The following POLN variants were observed in gnomAD, a reference collection of about 807,000 sequenced individuals.
The protein encoded by POLN is DNA polymerase N.
Under a neutral mutation model 113.5 loss-of-function variants are expected in POLN, and 108 were observed. The observed-to-expected ratio is 0.95, with a 90% CI of 0.81 to 1.12. The LOEUF (loss-of-function observed/expected upper bound fraction) is 1.12. Among genes scored for constraint, POLN ranks in the 50% most tolerant of loss-of-function variants. POLN has a pLI of 0.00. For synonymous variants in POLN, 386 were observed against 391.5 expected, an observed-to-expected ratio of 0.99 and a Z score of 0.17; for missense variants, 1,097 against 1,077.1, an observed-to-expected ratio of 1.02 and a Z score of -0.26.
rs1423502321 is a variant in POLN at position 2,078,158 on chromosome 4, C to A, written c.2388-2639G>T. ...TGGGCGCATGGTGGCCTCATGCAGACCCGCCTTGAGAAGGCCCAGGGGAGG... is the reference window on the plus strand; with the variant it reads ...TGGGCGCATGGTGGCCTCATGCAGAACCGCCTTGAGAAGGCCCAGGGGAGG... On this transcript the variant is annotated intron_variant, in intron 23 of 25. Coordinates refer to ENST00000511885, the MANE Select transcript of POLN (RefSeq NM_181808.4). Among the ~76,000 whole-genome samples the A allele has an allele frequency of 3.9e-5, 6 of 152,340 alleles. No homozygotes were observed. The East Asian group carries it at 9.6e-4, about 24-fold the overall frequency.
chr4:2,197,428 C>T (rs910660527), intron 6 of POLN, among the ~76,000 whole-genome samples: 1 of 152,160 alleles, frequency 6.6e-6, no homozygotes, highest in Non-Finnish European at 1.5e-5. Context: ...GAGATAACCC[C>T]AGGACTTTTT....
intron 3 of POLN, among the ~76,000 whole-genome samples, chr4:2,220,960 C>T (rs1734238119): frequency 6.6e-6 from 1 of 151,420 alleles, no homozygotes; most frequent in Non-Finnish European, 1.5e-5. Flanking sequence ...CTGTTTCTCC[C>T]TCCCCATCCC....
chr4:2,213,254 AC>A (rs1472529818), intron 3 of POLN, 128 bp from the exon 4 acceptor site: 1 of 511,840 alleles, frequency 2.0e-6, no homozygotes, highest in Non-Finnish European at 3.3e-6. Flanking sequence ...CTTACTTAAA[AC>A]AATGTAATAA....
intron 2 of POLN, among the ~76,000 whole-genome samples, chr4:2,232,698 T>G (rs769576040): frequency 6.6e-6 from 1 of 152,158 alleles, no homozygotes; most frequent in Non-Finnish European, 1.5e-5. Context: ...AAAACCATCC[T>G]AATCATATAA....
Position 2,193,305 on chromosome 4 carries a change from A to G in POLN, c.920T>C (p.Phe307Ser), listed in dbSNP as rs754744651. The G allele has an allele frequency of 8.8e-6, 14 of 1,594,248 alleles. No individual in the cohort carries two copies. Among genetic ancestry groups the G allele is most frequent in the Non-Finnish European group, 1.2e-5 (14 of 1,168,330 alleles). The stretch of plus-strand genomic sequence containing the variant: ...AGGACATTTACATTTCATTGTTTGA[A>G]ATAGCACGTTCCTAGAAGATGAAAA... ...AHQQFARNVL[F>S]QTMKCKCPVI... Residue 307 changes from phenylalanine (F) to serine (S), a missense_variant, in exon 7 of 26, where the codon TTT becomes TCT. Physicochemically the swap from Phe to Ser is radical, Grantham distance 155. Transcript: ENST00000511885.
At chr4:2,150,579 A>T (rs1285140226) in intron 16 of POLN, among the ~76,000 whole-genome samples, 1 of 152,166 alleles carries the variant, frequency 6.6e-6, no homozygotes, top group East Asian at 1.9e-4. Context: ...ACATGCCCCA[A>T]TTTAAAACCT....
chr4:2,200,675 C>T (rs949191546), intron 5 of POLN, among the ~76,000 whole-genome samples: 1 of 152,166 alleles, frequency 6.6e-6, no homozygotes, highest in Admixed American at 6.6e-5. Context: ...GAGAGGACTA[C>T]ATCAAGGGAA....
intron 11 of POLN, among the ~76,000 whole-genome samples, chr4:2,173,186 G>C (rs1732907280): frequency 6.6e-6 from 1 of 152,234 alleles, no homozygotes; most frequent in African/African-American, 2.4e-5. Flanking sequence ...GATAGGGAAA[G>C]CACACAGGAC....
chr4:2,199,539 G>A (rs1733660789), intron 5 of POLN, among the ~76,000 whole-genome samples: 1 of 152,024 alleles, frequency 6.6e-6, no homozygotes, highest in Admixed American at 6.6e-5. Context: ...ATTTCTTTGT[G>A]GGAAATAAAG....
intron 20 of POLN, chr4:2,089,657 T>G: frequency 1.3e-6 from 1 of 749,182 alleles, no homozygotes; most frequent in Admixed American, 3.0e-5. Context: ...TTATCTGAAC[T>G]TCCTAAACTG....
intron 25 of POLN, among the ~76,000 whole-genome samples, chr4:2,072,646 G>GC (rs1163611772): frequency 1.3e-5 from 2 of 152,172 alleles, no homozygotes; most frequent in Non-Finnish European, 2.9e-5. Flanking sequence ...TCAGGGTCCT[G>GC]CCCCCGGGAG....
At chr4:2,082,325 G>C (rs1264361558) in intron 21 of POLN, among the ~76,000 whole-genome samples, 1 of 152,156 alleles carries the variant, frequency 6.6e-6, no homozygotes, top group East Asian at 1.9e-4. Flanking sequence ...GGACGAGGGA[G>C]GGCAGCTTTT....
At chr4:2,215,448 G>A (rs1240380349) in intron 3 of POLN, among the ~76,000 whole-genome samples, 1 of 152,158 alleles carries the variant, frequency 6.6e-6, no homozygotes, top group Non-Finnish European at 1.5e-5. Context: ...GAAGACAATG[G>A]CTAAGATGCA....
rs1222875441 is a variant in POLN at position 2,191,429 on chromosome 4, T to C, written c.1021+1775A>G. Reference sequence around the variant, plus strand: ...GAAGACCTGGTGTTCAGTAAATCAGTAGAGTGACTATAGTAAACAATAATC... The same window carrying C: ...GAAGACCTGGTGTTCAGTAAATCAGCAGAGTGACTATAGTAAACAATAATC... On this transcript the variant is annotated intron_variant, in intron 7 of 25. Transcript: ENST00000511885. Among the ~76,000 whole-genome samples, 6 of 152,142 alleles carry C rather than the reference T, an allele frequency of 3.9e-5. No individual in the cohort carries two copies. In the East Asian group the frequency reaches 1.2e-3, roughly 29 times the overall value.
At chr4:2,136,543 T>C (rs1044913894) in intron 16 of POLN, among the ~76,000 whole-genome samples, 1 of 152,244 alleles carries the variant, frequency 6.6e-6, no homozygotes, top group African/African-American at 2.4e-5. Flanking sequence ...AAAAATTGAA[T>C]GTTAACAGCC....
chr4:2,073,605 G>T (rs943539884), intron 24 of POLN, among the ~76,000 whole-genome samples: 1 of 152,242 alleles, frequency 6.6e-6, no homozygotes, highest in East Asian at 1.9e-4. Context: ...AGAGCCCTAC[G>T]AAAGGGAAGG....
At chr4:2,180,264 C>A (rs184309883) in intron 7 of POLN, among the ~76,000 whole-genome samples, 1 of 152,250 alleles carries the variant, frequency 6.6e-6, no homozygotes, top group East Asian at 1.9e-4. Context: ...AGTTTTTATA[C>A]CAGAACACTT....
At chr4:2,154,479 T>A (rs193055697) in intron 16 of POLN, among the ~76,000 whole-genome samples, 101 of 151,810 alleles carry the variant, frequency 6.7e-4, no homozygotes, top group African/African-American at 2.3e-3. Context: ...AAAAAATGAG[T>A]CAGGAAAGTA....
chr4:2,179,923 G>C (rs1733093293), intron 7 of POLN, among the ~76,000 whole-genome samples: 1 of 152,134 alleles, frequency 6.6e-6, no homozygotes, highest in African/African-American at 2.4e-5. Flanking sequence ...CAAGCCTCTC[G>C]AGCAAAAGGA....
Sources: allele counts gnomAD v4.1 joint callset (sites outside exome capture counted in the v4.1 genomes callset), GRCh38; gene constraint gnomAD v4.1.1; transcripts MANE v1.5; gene names NCBI Gene and HGNC (gene_info 2026-07-23, HGNC 2026-07-21).